MAN1A1: variants seen among roughly 807,000 people sequenced by gnomAD.
The protein encoded by MAN1A1 is mannosidase alpha class 1A member 1.
In MAN1A1, 29 loss-of-function variants were observed where a neutral mutation model predicts 70.8. That is an observed-to-expected ratio of 0.41 (90% CI 0.31 to 0.56). The LOEUF is 0.56. Among genes scored for constraint, MAN1A1 ranks in the 20% least tolerant of loss-of-function variants. The probability of loss-of-function intolerance (pLI) is 0.29; values close to 1 mark genes in which losing one functional copy is unlikely to be tolerated. For synonymous variants in MAN1A1, 349 were observed against 330.1 expected (o/e 1.06, Z -0.62); for missense variants, 747 against 841.3 (o/e 0.89, Z 1.39).
In MAN1A1 at chr6:119,348,776, G is replaced by A. The variant is rs1473962050; in HGVS notation, c.290C>T (p.Ala97Val). The A allele has an allele frequency of 1.4e-6, 2 of 1,426,964 alleles. No homozygotes were observed. Among genetic ancestry groups the A allele is most frequent in the Non-Finnish European group, 9.2e-7 (1 of 1,091,004 alleles). The allele number at this position is 1,426,964 out of a possible 1,614,324, so 88.4% of individuals were successfully genotyped here. Residue 97 changes from alanine to valine, a missense_variant, in exon 2 of 13, where the codon GCG becomes GTG. Around this residue, in one of 2 missense-constraint regions of MAN1A1, gnomAD observed 328 missense variants for 293.1 expected, o/e 1.12. Coordinates refer to ENST00000368468, the MANE Select transcript of MAN1A1 (RefSeq NM_005907.4). ...GCGGCGCCGGGCTCGCCCCTCGGCC[G>A]CGTCCTCGGCGCGCGCCCCGGGCCC... Reference protein sequence around the residue: ...KPGPGARAEDAAEGRARRREE... With the variant: ...KPGPGARAEDVAEGRARRREE...
chr6:119,309,830 GTA>G (rs1772651994), intron 2 of MAN1A1, among the ~76,000 whole-genome samples: 1 of 152,142 alleles, frequency 6.6e-6, no homozygotes, highest in African/African-American at 2.4e-5. Flanking sequence ...TAAAGAAATA[GTA>G]TTACTTCCCC....
chr6:119,179,252 T>A lies in MAN1A1; in HGVS notation c.*567A>T, dbSNP rs1052305433. On this transcript the variant is annotated 3_prime_UTR_variant, in exon 13 of 13. Coordinates refer to ENST00000368468, the MANE Select transcript of MAN1A1 (RefSeq NM_005907.4). ...GATCCTTTTGGAATGACTTTCTAAT[T>A]TGAATTACAATGTGAGTGAAGTATT... is the stretch of plus-strand genomic sequence containing the variant. 36 of 152,620 alleles carry A rather than the reference T, an allele frequency of 2.4e-4. No individual in the cohort carries two copies. The highest frequency in any genetic ancestry group is 8.7e-4 in the African/African-American group (36 of 41,440). The allele number at this position is 152,620 out of a possible 1,614,324, so 9.5% of individuals were successfully genotyped here.
chr6:119,337,970 A>G (rs1437491715), intron 2 of MAN1A1, among the ~76,000 whole-genome samples: 1 of 152,172 alleles, frequency 6.6e-6, no homozygotes, highest in African/African-American at 2.4e-5. Flanking sequence ...ACTTGGGCTA[A>G]TAACTCCTTA....
Position 119,188,594 on chromosome 6 carries a change from G to C in MAN1A1, c.1547-17C>G. 6.2e-7 allele frequency: 1 copy of C among 1,607,166 alleles called. No individual in the cohort carries two copies. Among genetic ancestry groups the C allele is most frequent in the Non-Finnish European group, 8.5e-7 (1 of 1,176,726 alleles). On this transcript the variant is annotated splice_polypyrimidine_tract_variant and intron_variant, in intron 10 of 12. Coordinates refer to ENST00000368468, the MANE Select transcript of MAN1A1 (RefSeq NM_005907.4). ...GTTTCATAACTAAAGGACATGGAAT[G>C]AATGAATAAGGGTTATTTTCCTGGA...
At chr6:119,184,888 A>AT (rs755319264) in intron 11 of MAN1A1, among the ~76,000 whole-genome samples, 66 of 150,736 alleles carry the variant, frequency 4.4e-4, no homozygotes, top group Non-Finnish European at 5.9e-4. Flanking sequence ...GTTTCTCATG[A>AT]TTTTTTTTTT....
In MAN1A1 at chr6:119,349,142, G is replaced by A; in HGVS notation, c.-77C>T. ...GCCGCCGCTGGGAGTCCGCGGCTGC[G>A]GGGCTGGGTCCTGCGTAGCCAGGCC... On this transcript the variant is annotated 5_prime_UTR_variant, in exon 2 of 13. Transcript: ENST00000368468. The A allele has an allele frequency of 6.4e-6, 8 of 1,253,468 alleles. No homozygotes were observed. Among genetic ancestry groups the A allele is most frequent in the Non-Finnish European group, 8.0e-6 (8 of 1,001,410 alleles). 77.6% of individuals were successfully genotyped at this position (1,253,468 alleles called of 1,614,324 possible).
intron 3 of MAN1A1, among the ~76,000 whole-genome samples, chr6:119,304,288 A>C (rs1329117324): frequency 3.3e-5 from 5 of 152,178 alleles, no homozygotes; most frequent in Non-Finnish European, 2.9e-5. Flanking sequence ...ATTTCCTTTA[A>C]ATTTTTTGAA....
intron 6 of MAN1A1, among the ~76,000 whole-genome samples, chr6:119,205,848 C>T (rs1285736362): frequency 6.6e-6 from 1 of 152,232 alleles, no homozygotes; most frequent in Non-Finnish European, 1.5e-5. Context: ...CTATACATGG[C>T]ATTGGGTTAC....
intron 2 of MAN1A1, among the ~76,000 whole-genome samples, chr6:119,327,088 T>C (rs1314610187): frequency 6.6e-6 from 1 of 152,176 alleles, no homozygotes; most frequent in Non-Finnish European, 1.5e-5. Context: ...ATGATGAAAG[T>C]TACTTAAGAA....
At chr6:119,306,385 A>G (rs1305519729) in intron 3 of MAN1A1, among the ~76,000 whole-genome samples, 3 of 152,206 alleles carry the variant, frequency 2.0e-5, no homozygotes, top group Admixed American at 1.3e-4. Flanking sequence ...AAAGCTTGCA[A>G]AAGTGGATAA....
At chr6:119,304,369 T>C (rs946424856) in intron 3 of MAN1A1, among the ~76,000 whole-genome samples, 1 of 152,194 alleles carries the variant, frequency 6.6e-6, no homozygotes, top group Non-Finnish European at 1.5e-5. Flanking sequence ...TATATCAGCT[T>C]CATATTTTCA....
chr6:119,218,204 G>C (rs1198967297), intron 6 of MAN1A1, among the ~76,000 whole-genome samples: 1 of 151,610 alleles, frequency 6.6e-6, no homozygotes. Context: ...TCATGTTTTG[G>C]GTTATACTAA....
intron 2 of MAN1A1, among the ~76,000 whole-genome samples, chr6:119,344,936 G>A (rs940797168): frequency 1.3e-5 from 2 of 152,030 alleles, no homozygotes; most frequent in Non-Finnish European, 2.9e-5. Flanking sequence ...ACAGGTGCAG[G>A]GTCCTAAAGC....
At chr6:119,308,124 T>C (rs1772582217) in intron 2 of MAN1A1, among the ~76,000 whole-genome samples, 1 of 152,168 alleles carries the variant, frequency 6.6e-6, no homozygotes. Flanking sequence ...ATGAAATATG[T>C]TTTATTACCA....
chr6:119,320,893 ACT>A (rs1205406752), intron 2 of MAN1A1, among the ~76,000 whole-genome samples: 2 of 152,188 alleles, frequency 1.3e-5, no homozygotes, highest in African/African-American at 4.8e-5. Flanking sequence ...ATTACATACC[ACT>A]CTGTTAATAA....
chr6:119,184,373 G>T (rs1338720565), intron 11 of MAN1A1, among the ~76,000 whole-genome samples: 1 of 152,068 alleles, frequency 6.6e-6, no homozygotes, highest in Admixed American at 6.6e-5. Flanking sequence ...AAGGATGAAG[G>T]GTAGGTAAGA....
intron 8 of MAN1A1, among the ~76,000 whole-genome samples, chr6:119,194,470 C>T (rs181478511): frequency 5.9e-5 from 9 of 152,186 alleles, no homozygotes; most frequent in East Asian, 3.9e-4. Context: ...ACTACAGGCA[C>T]GCATCACCAC....
intron 2 of MAN1A1, among the ~76,000 whole-genome samples, chr6:119,342,321 T>C (rs977522460): frequency 6.6e-6 from 1 of 152,200 alleles, no homozygotes; most frequent in African/African-American, 2.4e-5. Context: ...TCCTGAGTTA[T>C]TAAACAGCAT....
chr6:119,297,233 A>C (rs1482866333), intron 4 of MAN1A1, among the ~76,000 whole-genome samples: 1 of 152,212 alleles, frequency 6.6e-6, no homozygotes, highest in East Asian at 1.9e-4. Flanking sequence ...AGGTAGACCA[A>C]GTGACTTGAA....
Sources: gnomAD v4.1 joint callset for allele counts (sites outside exome capture counted in the v4.1 genomes callset) on GRCh38, gnomAD v4.1.1 for gene constraint, gnomAD v4.1.1 regional missense constraint, MANE v1.5 for transcripts, NCBI Gene and HGNC (gene_info 2026-07-23, HGNC 2026-07-21) for gene names.